The following GEN1 variants were observed in gnomAD, a reference collection of about 807,000 sequenced individuals.
The protein encoded by GEN1 is flap endonuclease GEN homolog 1.
Under a neutral mutation model 67.6 loss-of-function variants are expected in GEN1, and 64 were observed. That is an observed-to-expected ratio of 0.95 (90% CI 0.77 to 1.17). The LOEUF (loss-of-function observed/expected upper bound fraction) is 1.17. Among genes scored for constraint, GEN1 ranks in the 50% most tolerant of loss-of-function variants. The pLI is 0.00. For missense variants in GEN1, 1,058 were observed against 1,048.3 expected (o/e 1.01, Z -0.13); for synonymous variants, 371 against 359.4 (o/e 1.03, Z -0.37).
chr2:17,766,487 TAA>T (rs1671940581), intron 4 of GEN1, 90 bp from the exon 5 acceptor site: 1 of 734,644 alleles, frequency 1.4e-6, no homozygotes, highest in Non-Finnish European at 2.3e-6. Flanking sequence ...ATTAAACATT[TAA>T]AGATAACATT....
chr2:17,781,021 G>A lies in GEN1; in HGVS notation c.1809G>A (p.Arg603=), dbSNP rs770392642. Residue 603 remains arginine, a synonymous_variant, in exon 14 of 14, where the codon AGG becomes AGA. Transcript: ENST00000381254. ...TSFSNSPAIQ[R]NTFSHDLKSE... ...TTAGTAATTCTCCAGCTATTCAAAGGAATACTTTTTCTCATGATTTAAAAT... is the reference window on the plus strand; with the variant it reads ...TTAGTAATTCTCCAGCTATTCAAAGAAATACTTTTTCTCATGATTTAAAAT... The A allele has an allele frequency of 1.7e-5, 28 of 1,613,802 alleles. No homozygotes were observed. Among genetic ancestry groups the A allele is most frequent in the Non-Finnish European group, 2.3e-5 (27 of 1,179,816 alleles).
intron 1 of GEN1, among the ~76,000 whole-genome samples, chr2:17,757,181 A>C (rs1671467960): frequency 6.6e-6 from 1 of 151,438 alleles, no homozygotes; most frequent in Admixed American, 6.6e-5. Flanking sequence ...TAAAGATATT[A>C]TTTATGGGGT....
In GEN1 at chr2:17,771,266, T is replaced by G. The variant is rs779077977; in HGVS notation, c.781T>G (p.Cys261Gly). The part of the protein sequence containing the change: ...QLLVTKKLAH[C>G]SVCSHPGSPK... The stretch of plus-strand genomic sequence containing the variant: ...GCTAGTCACTAAAAAACTGGCTCAT[T>G]GTTCCGTATGTTCCCATCCAGGTAA... The change falls in exon 7 of 14, where the codon TGT becomes GGT. Residue 261 changes from cysteine to glycine, a missense_variant. Transcript: ENST00000381254. The G allele has an allele frequency of 3.8e-6, 6 of 1,599,718 alleles. No homozygotes were observed. In the Admixed American group the frequency reaches 1.0e-4, roughly 27 times the overall value.
intron 13 of GEN1, 118 bp from the exon 14 acceptor site, chr2:17,780,502 CA>C (rs1558411833): frequency 2.4e-5 from 16 of 657,092 alleles, no homozygotes; most frequent in South Asian, 9.4e-5. Context: ...GCACTGAGAT[CA>C]AAAAAAGGCA....
Position 17,780,878 on chromosome 2 carries a change from A to G in GEN1, c.1666A>G (p.Ile556Val), listed in dbSNP as rs373999024. ...SSLRPLAIQQ[I>V]KAVSKSLISE... ...TCTAAGACCTTTGGCTATACAGCAA[A>G]TTAAAGCTGTCAGTAAGTCTCTAAT... The change falls in exon 14 of 14, where the codon ATT becomes GTT. Residue 556 changes from isoleucine (I) to valine (V), a missense_variant. Physicochemically the swap from Ile to Val is conservative, Grantham distance 29 (BLOSUM62 3). Transcript: ENST00000381254. The G allele has an allele frequency of 1.2e-6, 2 of 1,613,724 alleles. No homozygotes were observed. The highest frequency in any genetic ancestry group is 1.7e-6 in the Non-Finnish European group (2 of 1,179,830).
At chr2:17,772,328 G>C (rs1473365402) in intron 7 of GEN1, among the ~76,000 whole-genome samples, 1 of 151,968 alleles carries the variant, frequency 6.6e-6, no homozygotes, top group African/African-American at 2.4e-5. Context: ...ACCTAAACCA[G>C]AAAGTTTTCT....
At chr2:17,767,734 A>G (rs1406328304) in intron 5 of GEN1, among the ~76,000 whole-genome samples, 1 of 152,258 alleles carries the variant, frequency 6.6e-6, no homozygotes, top group Non-Finnish European at 1.5e-5. Context: ...TAAATTATGC[A>G]TTAGCCATAG....
chr2:17,777,585 T>A (rs958387729), intron 11 of GEN1, among the ~76,000 whole-genome samples: 1 of 152,142 alleles, frequency 6.6e-6, no homozygotes, highest in African/African-American at 2.4e-5. Context: ...AACTCACCTA[T>A]TAAAAGACAG....
chr2:17,755,850 A>C (rs559076118), intron 1 of GEN1: 6 of 152,344 alleles, frequency 3.9e-5, no homozygotes, highest in African/African-American at 1.2e-4. Context: ...TCAGTTTTAT[A>C]ATTAACCAAT....
chr2:17,753,981 C>T (rs952698567), upstream of GEN1: 6 of 152,382 alleles, frequency 3.9e-5, no homozygotes, highest in South Asian at 2.1e-4. Flanking sequence ...AGTGATTTGC[C>T]TAAGTAAAAG....
Position 17,778,824 on chromosome 2 carries a change from T to A in GEN1, c.1264+761T>A, listed in dbSNP as rs562729241. 1.8e-4 allele frequency among the ~76,000 whole-genome samples: 27 copies of A among 152,226 alleles called. No individual in the cohort carries two copies. The South Asian group carries it at 5.6e-3, about 32-fold the overall frequency. ...AGTTTTCAGTGGGAATTTTTTATTGTCAAATTATTCTTATTTTTGCTCCAG... is the reference window on the plus strand; with the variant it reads ...AGTTTTCAGTGGGAATTTTTTATTGACAAATTATTCTTATTTTTGCTCCAG... On this transcript the variant is annotated intron_variant, in intron 12 of 13. Coordinates refer to ENST00000381254, the MANE Select transcript of GEN1 (RefSeq NM_001130009.3).
chr2:17,771,124 T>C (rs747012442), intron 6 of GEN1, 72 bp from the exon 7 acceptor site: 2 of 869,810 alleles, frequency 2.3e-6, no homozygotes, highest in Admixed American at 3.5e-5. Flanking sequence ...TAGATCAGCC[T>C]GATATTTGAG....
upstream of GEN1, among the ~76,000 whole-genome samples, chr2:17,753,294 TAC>T (rs958779601): frequency 3.2e-5 from 2 of 61,634 alleles, no homozygotes; most frequent in African/African-American, 1.9e-4. Context: ...CTCCCCGCTT[TAC>T]AGTTATTCGC....
chr2:17,760,141 T>C (rs1671606430), intron 2 of GEN1, 37 bp downstream of exon 2: 1 of 1,566,886 alleles, frequency 6.4e-7, no homozygotes, highest in East Asian at 2.2e-5. Context: ...ATGTATGATG[T>C]ATAAACAGTC....
Position 17,778,323 on chromosome 2 carries a change from C to CATATATGTATACACACACATATGT in GEN1, c.1264+260_1264+261insATATATGTATACACACACATATGT, listed in dbSNP as rs1553331284. On this transcript the variant is annotated intron_variant, in intron 12 of 13. Transcript: ENST00000381254. ...GTACATATATGTATATACACACACACGTGTACATATATGTATACACACACA... is the reference window on the plus strand; with the variant it reads ...GTACATATATGTATATACACACACACATATATGTATACACACACATATGTGTGTACATATATGTATACACACACA... 5.8e-4 allele frequency among the ~76,000 whole-genome samples: 18 copies of CATATATGTATACACACACATATGT among 30,876 alleles called. 3 individuals carry two copies. Among genetic ancestry groups the CATATATGTATACACACACATATGT allele is most frequent in the Middle Eastern group, 0.031 (1 of 32 alleles). The allele number at this position is 30,876 out of a possible 152,430, so 20.3% of individuals were successfully genotyped here.
At chr2:17,758,167 ATTG>A (rs1210569405) in intron 1 of GEN1, among the ~76,000 whole-genome samples, 2 of 152,214 alleles carry the variant, frequency 1.3e-5, no homozygotes, top group Admixed American at 6.5e-5. Context: ...TACAGTGAAT[ATTG>A]TTGTATAAAT....
intron 11 of GEN1, among the ~76,000 whole-genome samples, chr2:17,775,796 T>TA (rs1672397331): frequency 6.6e-6 from 1 of 152,168 alleles, no homozygotes; most frequent in Non-Finnish European, 1.5e-5. Context: ...TCTAATACGT[T>TA]AAACTGAGAA....
chr2:17,778,289 C>CGT (rs1672594363), intron 12 of GEN1, among the ~76,000 whole-genome samples: 1 of 90,462 alleles, frequency 1.1e-5, no homozygotes, highest in Non-Finnish European at 2.2e-5. Context: ...TATACACACA[C>CGT]ATGTGTGTGT....
intron 1 of GEN1, chr2:17,755,673 T>C (rs1671400717): frequency 6.6e-6 from 1 of 152,220 alleles, no homozygotes; most frequent in African/African-American, 2.4e-5. Flanking sequence ...CATTTTCTGC[T>C]TTTCCGAAGT....
Sources: gnomAD v4.1 joint callset for allele counts (sites outside exome capture counted in the v4.1 genomes callset) on GRCh38, gnomAD v4.1.1 for gene constraint, MANE v1.5 for transcripts, NCBI Gene and HGNC (gene_info 2026-07-23, HGNC 2026-07-21) for gene names.